LDAH: variants seen among roughly 807,000 people sequenced by gnomAD.
LDAH encodes the protein lipid droplet associated hydrolase.
A neutral mutation model predicts 29.6 loss-of-function variants in LDAH; 26 were observed. The ratio of observed to expected loss-of-function variants is 0.88; its 90% CI spans 0.64 to 1.22. The LOEUF (loss-of-function observed/expected upper bound fraction) is 1.22, where lower values mean the gene tolerates loss of function less well. Ranked by LOEUF, LDAH falls within the 50% of genes most tolerant of loss-of-function variation. The pLI is 0.00. For synonymous variants in LDAH, 117 were observed against 133.0 expected, an observed-to-expected ratio of 0.88 and a Z score of 0.83; for missense variants, 344 against 387.3, an observed-to-expected ratio of 0.89 and a Z score of 0.94.
At chr2:20,775,114 G>A in intron 3 of LDAH, 135 bp from the exon 4 acceptor site, 1 of 715,816 alleles carries the variant, frequency 1.4e-6, no homozygotes, top group Middle Eastern at 4.1e-4. Context: ...GATAATATTA[G>A]GCATTCATTA....
intron 4 of LDAH, among the ~76,000 whole-genome samples, chr2:20,764,101 T>C (rs1483534943): frequency 2.0e-5 from 3 of 152,178 alleles, no homozygotes; most frequent in Non-Finnish European, 4.4e-5. Flanking sequence ...TAACTAAAAA[T>C]GGCTGAAGTT....
chr2:20,820,420 T>C (rs1476998764), intron 1 of LDAH, among the ~76,000 whole-genome samples: 1 of 152,028 alleles, frequency 6.6e-6, no homozygotes, highest in Non-Finnish European at 1.5e-5. Flanking sequence ...AACAGAGATA[T>C]AGATCAATGG....
intron 5 of LDAH, among the ~76,000 whole-genome samples, chr2:20,721,849 T>C (rs1391389297): frequency 2.6e-5 from 4 of 152,192 alleles, no homozygotes; most frequent in South Asian, 4.1e-4. Context: ...CCCATGTTTA[T>C]TGCAGCACTG....
chr2:20,724,422 T>C (rs1306282307), intron 5 of LDAH, among the ~76,000 whole-genome samples: 1 of 152,234 alleles, frequency 6.6e-6, no homozygotes, highest in African/African-American at 2.4e-5. Context: ...TCTGAACAGT[T>C]AGCTCACAGC....
chr2:20,729,996 A>G (rs1055655166), intron 5 of LDAH, among the ~76,000 whole-genome samples: 4 of 152,184 alleles, frequency 2.6e-5, no homozygotes, highest in Non-Finnish European at 4.4e-5. Flanking sequence ...CCTGGCAACC[A>G]CTAATCTGTT....
intron 1 of LDAH, among the ~76,000 whole-genome samples, chr2:20,822,664 A>T (rs1056359391): frequency 2.0e-4 from 30 of 152,246 alleles, no homozygotes; most frequent in Admixed American, 1.8e-3. Context: ...GGGGCAAAGA[A>T]CACTCCCGGC....
rs200167753 is a variant in LDAH at position 20,795,597 on chromosome 2, G to GA, written c.155-5200dup. Among the ~76,000 whole-genome samples the GA allele has an allele frequency of 1.7e-4, 26 of 151,698 alleles. No individual in the cohort carries two copies. In the East Asian group the frequency reaches 4.5e-3, roughly 26 times the overall value. On this transcript the variant is annotated intron_variant, in intron 2 of 6. Coordinates refer to ENST00000237822, the MANE Select transcript of LDAH (RefSeq NM_021925.4). ...GAAATCCAAGATCTAAGGTTCATCA[G>GA]AAAAAATGAAACTAAATTAAAAGTT...
chr2:20,752,636 G>A (rs1223936412), intron 4 of LDAH, among the ~76,000 whole-genome samples: 1 of 151,952 alleles, frequency 6.6e-6, no homozygotes, highest in African/African-American at 2.4e-5. Context: ...AGTGTCAATG[G>A]CAATGTAGTA....
At chr2:20,734,821 T>C (rs1342169546) in intron 5 of LDAH, among the ~76,000 whole-genome samples, 1 of 152,258 alleles carries the variant, frequency 6.6e-6, no homozygotes, top group Non-Finnish European at 1.5e-5. Flanking sequence ...AGGATAGATC[T>C]AATGTTGACA....
intron 5 of LDAH, among the ~76,000 whole-genome samples, chr2:20,726,332 A>G (rs1357931618): frequency 6.6e-6 from 1 of 152,204 alleles, no homozygotes; most frequent in East Asian, 1.9e-4. Flanking sequence ...TGCTGAGTGT[A>G]GGGAAGTTAG....
downstream of LDAH, among the ~76,000 whole-genome samples, chr2:20,683,050 G>T (rs1662359224): frequency 6.6e-6 from 1 of 152,188 alleles, no homozygotes; most frequent in Non-Finnish European, 1.5e-5. Flanking sequence ...CAAGAGCTTT[G>T]TCTTTATAGA....
intron 3 of LDAH, among the ~76,000 whole-genome samples, chr2:20,775,195 A>T (rs1283005711): frequency 6.6e-6 from 1 of 152,190 alleles, no homozygotes; most frequent in Non-Finnish European, 1.5e-5. Flanking sequence ...GAAAATCCCA[A>T]TGCTCATAGA....
At chr2:20,805,752 C>A (rs865800270) in intron 1 of LDAH, among the ~76,000 whole-genome samples, 2 of 151,994 alleles carry the variant, frequency 1.3e-5, no homozygotes, top group Admixed American at 1.3e-4. Context: ...CTCATACAAA[C>A]CTAGATAATT....
chr2:20,723,580 T>A (rs1274530605), intron 5 of LDAH, among the ~76,000 whole-genome samples: 1 of 152,242 alleles, frequency 6.6e-6, no homozygotes, highest in African/African-American at 2.4e-5. Context: ...TATTTCTTGG[T>A]AATTTCCTAT....
chr2:20,685,439 CT>C lies in LDAH; in HGVS notation c.*1463del. 2 of 1,419,538 alleles carry C rather than the reference CT, an allele frequency of 1.4e-6. No individual in the cohort carries two copies. Among genetic ancestry groups the C allele is most frequent in the Non-Finnish European group, 1.9e-6 (2 of 1,060,894 alleles). 87.9% of individuals were successfully genotyped at this position (1,419,538 alleles called of 1,614,324 possible). A position where few individuals can be genotyped will look rare whatever the true frequency, so the allele number is the denominator to read the frequency against. ...GCCTATGTATCTATTAGCTCTTCCC[CT>C]TGGGCTAACAGCACTCCTTGTCTGG... On this transcript the variant is annotated 3_prime_UTR_variant, in exon 7 of 7. Transcript: ENST00000237822.
intron 5 of LDAH, among the ~76,000 whole-genome samples, chr2:20,712,513 G>C (rs1384070605): frequency 6.6e-6 from 1 of 152,182 alleles, no homozygotes; most frequent in Non-Finnish European, 1.5e-5. Context: ...GCCAGCAATG[G>C]AACAAAGCTG....
At chr2:20,692,513 T>G in intron 6 of LDAH, among the ~76,000 whole-genome samples, 1 of 152,250 alleles carries the variant, frequency 6.6e-6, no homozygotes, top group East Asian at 1.9e-4. Context: ...CTGAATTATC[T>G]GTCTATTCAA....
chr2:20,762,489 A>G (rs948692360), intron 4 of LDAH, among the ~76,000 whole-genome samples: 2 of 152,224 alleles, frequency 1.3e-5, no homozygotes, highest in Non-Finnish European at 2.9e-5. Context: ...GTACACACAT[A>G]CACAACACAA....
At position 20,773,269 on chromosome 2, in the gene LDAH, A is replaced by C. The variant is rs1669556761; in HGVS notation, c.468+1541T>G. On this transcript the variant is annotated intron_variant, in intron 4 of 6. Coordinates refer to ENST00000237822, the MANE Select transcript of LDAH (RefSeq NM_021925.4). Reference sequence around the variant, plus strand: ...AATGAGGAAACTGAGGTTGAGACTCAAAACTAAAGTAGAGACTCAATAACT... The same window carrying C: ...AATGAGGAAACTGAGGTTGAGACTCCAAACTAAAGTAGAGACTCAATAACT... Among the ~76,000 whole-genome samples, 8 of 152,188 alleles carry C rather than the reference A, an allele frequency of 5.3e-5. No individual in the cohort carries two copies. In the South Asian group the frequency reaches 1.7e-3, roughly 31 times the overall value.
Sources: gnomAD v4.1 joint callset for allele counts (sites outside exome capture counted in the v4.1 genomes callset) on GRCh38, gnomAD v4.1.1 for gene constraint, MANE v1.5 for transcripts, NCBI Gene and HGNC (gene_info 2026-07-23, HGNC 2026-07-21) for gene names.